GRIK3: variants seen among roughly 807,000 people sequenced by gnomAD.
The protein encoded by GRIK3 is glutamate receptor ionotropic, kainate 3.
A neutral mutation model predicts 102.5 loss-of-function variants in GRIK3; 29 were observed. The ratio of observed to expected loss-of-function variants is 0.28; its 90% CI spans 0.21 to 0.39. The LOEUF is 0.39. GRIK3 is among the 10% of genes least tolerant of loss of function. GRIK3 has a pLI of 1.00. For synonymous variants in GRIK3, 511 were observed against 504.9 expected (o/e 1.01, Z -0.16); for missense variants, 908 against 1,252.4 (o/e 0.73, Z 4.15).
intron 3 of GRIK3, among the ~76,000 whole-genome samples, chr1:36,877,374 T>A (rs1640921943): frequency 6.6e-6 from 1 of 152,200 alleles, no homozygotes. Flanking sequence ...AATTCTGGCC[T>A]CCTTTGCTCC....
At chr1:36,998,747 T>C (rs897644514) in intron 1 of GRIK3, among the ~76,000 whole-genome samples, 1 of 152,196 alleles carries the variant, frequency 6.6e-6, no homozygotes, top group East Asian at 1.9e-4. Flanking sequence ...GGTCCCATAG[T>C]GTCAAAGGGA....
chr1:36,867,905 G>T (rs1320747446), intron 5 of GRIK3, among the ~76,000 whole-genome samples: 1 of 152,152 alleles, frequency 6.6e-6, no homozygotes, highest in Non-Finnish European at 1.5e-5. Context: ...GGGTCGTTGA[G>T]TTGGTAAAAT....
At chr1:36,812,987 C>A (rs756856276) in intron 13 of GRIK3, among the ~76,000 whole-genome samples, 1 of 152,234 alleles carries the variant, frequency 6.6e-6, no homozygotes, top group Non-Finnish European at 1.5e-5. Context: ...ATTAGAGCAA[C>A]TACGACGTGC....
chr1:36,815,251 C>T (rs511681), intron 13 of GRIK3, among the ~76,000 whole-genome samples: 1 of 152,214 alleles, frequency 6.6e-6, no homozygotes, highest in African/African-American at 2.4e-5. Context: ...CTCCTTTCCT[C>T]ACTCACTGTC....
At chr1:36,989,889 T>C (rs554152673) in intron 1 of GRIK3, among the ~76,000 whole-genome samples, 7 of 152,308 alleles carry the variant, frequency 4.6e-5, no homozygotes, top group Non-Finnish European at 4.4e-5. Context: ...CCAGGCACCA[T>C]GCTAAGCCCC....
intron 1 of GRIK3, among the ~76,000 whole-genome samples, chr1:36,958,598 C>T (rs531548): frequency 0.5 from 69,824 of 138,992 alleles, 18,655 homozygotes; most frequent in African/African-American, 0.66. Context: ...CCTATGTGTC[C>T]TGTGAACCTG....
chr1:36,804,404 C>T (rs1642475445), intron 15 of GRIK3, among the ~76,000 whole-genome samples: 1 of 152,166 alleles, frequency 6.6e-6, no homozygotes, highest in African/African-American at 2.4e-5. Flanking sequence ...TGAAAACTTT[C>T]TCCCTGTGAT....
Position 36,910,347 on chromosome 1 carries a change from C to T in GRIK3, c.116-19251G>A, listed in dbSNP as rs115861923. Among the ~76,000 whole-genome samples, 1,194 of 152,356 alleles carry T rather than the reference C, an allele frequency of 7.8e-3. 24 individuals carry two copies. The highest frequency in any genetic ancestry group is 0.028 in the African/African-American group (1,150 of 41,578). On this transcript the variant is annotated intron_variant, in intron 1 of 15. Coordinates refer to ENST00000373091, the MANE Select transcript of GRIK3 (RefSeq NM_000831.4). ...GGAGATTAATTGAGACGTGGATCAG[C>T]GAGATTGTTGCTAACAGCCTCTTCT...
At chr1:36,985,475 C>G (rs1333057166) in intron 1 of GRIK3, among the ~76,000 whole-genome samples, 1 of 152,174 alleles carries the variant, frequency 6.6e-6, no homozygotes, top group Non-Finnish European at 1.5e-5. Context: ...TTTCCTTGAT[C>G]TCTGGAGTGG....
chr1:36,982,782 A>T (rs931094056), intron 1 of GRIK3, among the ~76,000 whole-genome samples: 3 of 95,484 alleles, frequency 3.1e-5, no homozygotes, highest in African/African-American at 1.2e-4. Context: ...AACAGAGCTG[A>T]GGCCGGGAGA....
intron 1 of GRIK3, among the ~76,000 whole-genome samples, chr1:36,933,637 C>G (rs1281388959): frequency 1.3e-5 from 2 of 152,216 alleles, no homozygotes; most frequent in Non-Finnish European, 2.9e-5. Context: ...TACACTATCT[C>G]TAGTTGCTTT....
intron 6 of GRIK3, 151 bp from the exon 7 acceptor site, chr1:36,859,402 C>T: frequency 2.4e-6 from 2 of 820,878 alleles, no homozygotes; most frequent in South Asian, 1.8e-5. Context: ...TCTGTCTACG[C>T]CTCTGAGGAG....
At position 36,825,665 on chromosome 1, in the gene GRIK3, G is replaced by A; in HGVS notation, c.1692C>T (p.Asp564=). ...AGGCGAGGAGAACATACATCCAGAT[G>A]TCTGGGGACAGGGGATTGAGGAAGG... ...VFSFLNPLSP[D]IWMYVLLAYL... Residue 564 remains aspartate (D), a synonymous_variant, in exon 11 of 16, where the codon GAC becomes GAT. Coordinates refer to ENST00000373091, the MANE Select transcript of GRIK3 (RefSeq NM_000831.4). The A allele has an allele frequency of 1.2e-6, 2 of 1,613,002 alleles. No homozygotes were observed. The highest frequency in any genetic ancestry group is 1.7e-6 in the Non-Finnish European group (2 of 1,179,496).
intron 1 of GRIK3, among the ~76,000 whole-genome samples, chr1:36,997,462 T>C (rs925037136): frequency 2.2e-4 from 33 of 152,292 alleles, no homozygotes; most frequent in African/African-American, 7.9e-4. Context: ...CAGAGCTCAA[T>C]GACAAACACA....
intron 1 of GRIK3, 42 bp from the exon 2 acceptor site, chr1:36,891,138 AT>A (rs1641110762): frequency 6.7e-7 from 1 of 1,489,186 alleles, no homozygotes; most frequent in African/African-American, 1.4e-5. Context: ...GGGAGGAGGG[AT>A]GGGGCTCTAG....
intron 1 of GRIK3, among the ~76,000 whole-genome samples, chr1:36,924,723 C>T (rs148435336): frequency 3.0e-4 from 45 of 152,320 alleles, no homozygotes; most frequent in African/African-American, 9.6e-4. Context: ...AAACACTGCA[C>T]GGCAGTGCTG....
At chr1:36,887,756 CA>C (rs375757853) in intron 2 of GRIK3, among the ~76,000 whole-genome samples, 4,991 of 103,504 alleles carry the variant, frequency 0.048, 104 homozygotes, top group South Asian at 0.059. Context: ...AATTCCATCT[CA>C]AAAAAAAAAA....
At chr1:36,874,324 G>A (rs1376032147) in intron 3 of GRIK3, among the ~76,000 whole-genome samples, 3 of 152,168 alleles carry the variant, frequency 2.0e-5, no homozygotes, top group Non-Finnish European at 4.4e-5. Context: ...AGACATGTAT[G>A]CTCGTAGCCT....
At chr1:36,971,175 G>A (rs1642135843) in intron 1 of GRIK3, among the ~76,000 whole-genome samples, 1 of 152,184 alleles carries the variant, frequency 6.6e-6, no homozygotes, top group Non-Finnish European at 1.5e-5. Context: ...CAGTCATAGA[G>A]CACCTTCTCC....
Sources: allele counts gnomAD v4.1 joint callset (sites outside exome capture counted in the v4.1 genomes callset), GRCh38; gene constraint gnomAD v4.1.1; transcripts MANE v1.5; gene names NCBI Gene and HGNC (gene_info 2026-07-23, HGNC 2026-07-21).